The following NEK1 variants were observed in gnomAD, a reference collection of about 807,000 sequenced individuals.
The protein encoded by NEK1 is serine/threonine-protein kinase Nek1.
NEK1 carries 137 observed loss-of-function variants against 182.1 expected under a neutral mutation model. That is an observed-to-expected ratio of 0.75 (90% CI 0.65 to 0.87). The LOEUF (loss-of-function observed/expected upper bound fraction) is 0.87. Among genes scored for constraint, NEK1 ranks in the 40% least tolerant of loss-of-function variants. The pLI is 0.00. For synonymous variants in NEK1, 513 were observed against 492.2 expected (o/e 1.04, Z -0.56); for missense variants, 1,391 against 1,494.4 (o/e 0.93, Z 1.14).
At chr4:169,470,527 C>T (rs909733643) in intron 26 of NEK1, among the ~76,000 whole-genome samples, 1 of 152,174 alleles carries the variant, frequency 6.6e-6, no homozygotes, top group African/African-American at 2.4e-5. Flanking sequence ...GGTAATCCAA[C>T]CTTTCTCTTT....
intron 23 of NEK1, among the ~76,000 whole-genome samples, chr4:169,500,388 G>A (rs1446819602): frequency 6.6e-6 from 1 of 152,178 alleles, no homozygotes; most frequent in Non-Finnish European, 1.5e-5. Flanking sequence ...TTCATGCTCG[G>A]TGCGCTGCAC....
chr4:169,460,484 G>A (rs375953297), intron 27 of NEK1, among the ~76,000 whole-genome samples: 17 of 152,122 alleles, frequency 1.1e-4, no homozygotes, highest in African/African-American at 4.1e-4. Flanking sequence ...CTCATAACAC[G>A]TGGGAATCAT....
chr4:169,530,816 TGTG>T (rs1554058604), intron 19 of NEK1, among the ~76,000 whole-genome samples: 1 of 151,138 alleles, frequency 6.6e-6, no homozygotes, highest in Non-Finnish European at 1.5e-5. Flanking sequence ...AATTTATACA[TGTG>T]TTAAAATTCC....
intron 23 of NEK1, 70 bp downstream of exon 23, chr4:169,506,967 G>T (rs1753375425): frequency 1.0e-5 from 10 of 955,518 alleles, no homozygotes; most frequent in Non-Finnish European, 1.5e-5. Flanking sequence ...TTATAATACT[G>T]ATGTACTACC....
chr4:169,509,847 T>A (rs1753897625), intron 19 of NEK1, among the ~76,000 whole-genome samples: 1 of 152,156 alleles, frequency 6.6e-6, no homozygotes, highest in African/African-American at 2.4e-5. Flanking sequence ...GTCTTCCAAA[T>A]TTCCTTCTCT....
In NEK1 at chr4:169,555,979, A is replaced by G; in HGVS notation, c.1383T>C (p.Asn461=). The change falls in exon 17 of 36, where the codon AAT becomes AAC. Residue 461 remains asparagine, a synonymous_variant. Coordinates refer to ENST00000507142, the MANE Select transcript of NEK1 (RefSeq NM_001199397.3). Reference sequence around the variant, plus strand: ...ATATTTCTCTTTTCCATTTAGCTTCATTATCTTCTGCTCTTTGTTGCTGCA... The same window carrying G: ...ATATTTCTCTTTTCCATTTAGCTTCGTTATCTTCTGCTCTTTGTTGCTGCA... ...DQMQQQRAED[N]EAKWKREIYG... 1 of 1,613,710 alleles carries G rather than the reference A, an allele frequency of 6.2e-7. No individual in the cohort carries two copies. Among genetic ancestry groups the G allele is most frequent in the Non-Finnish European group, 8.5e-7 (1 of 1,179,782 alleles).
In NEK1 at chr4:169,424,548, C is replaced by A; in HGVS notation, c.3222+5G>T. ...TAATATTTTCCACTTGAGGACCATA[C>A]TTGCCTTTGGGTTGTTTGCATCAAA... is the stretch of plus-strand genomic sequence containing the variant. On this transcript the variant is annotated splice_donor_5th_base_variant and intron_variant, in intron 31 of 35. Transcript: ENST00000507142. The A allele has an allele frequency of 6.3e-7, 1 of 1,579,086 alleles. No homozygotes were observed. The highest frequency in any genetic ancestry group is 8.6e-7 in the Non-Finnish European group (1 of 1,158,344).
intron 27 of NEK1, among the ~76,000 whole-genome samples, chr4:169,455,302 T>G (rs908075435): frequency 5.3e-5 from 8 of 151,486 alleles, no homozygotes; most frequent in Non-Finnish European, 8.8e-5. Flanking sequence ...GTTGTGCACA[T>G]GTACCCTAGA....
chr4:169,451,736 C>T (rs913000490), intron 27 of NEK1, among the ~76,000 whole-genome samples: 1 of 152,040 alleles, frequency 6.6e-6, no homozygotes, highest in Non-Finnish European at 1.5e-5. Flanking sequence ...ACTAGAGAAG[C>T]AAGAGCAAAC....
chr4:169,570,105 G>A (rs1460656027), intron 12 of NEK1, among the ~76,000 whole-genome samples: 12 of 150,588 alleles, frequency 8.0e-5, no homozygotes, highest in African/African-American at 2.0e-4. Context: ...CTGCCTGGCC[G>A]CCCATCGTCT....
intron 26 of NEK1, among the ~76,000 whole-genome samples, chr4:169,470,036 G>T (rs1745662634): frequency 6.7e-6 from 1 of 150,296 alleles, no homozygotes; most frequent in African/African-American, 2.5e-5. Context: ...AATATGAAAT[G>T]GGTCTCCTTA....
At chr4:169,408,979 T>C (rs1461361572) in intron 31 of NEK1, among the ~76,000 whole-genome samples, 1 of 152,194 alleles carries the variant, frequency 6.6e-6, no homozygotes, top group Non-Finnish European at 1.5e-5. Context: ...TTCCTTTGGG[T>C]AGATACCCAG....
At chr4:169,594,318 T>C (rs1221812546) in intron 5 of NEK1, among the ~76,000 whole-genome samples, 1 of 152,162 alleles carries the variant, frequency 6.6e-6, no homozygotes, top group African/African-American at 2.4e-5. Flanking sequence ...GTATGCTCAG[T>C]TTTGATGGGT....
intron 10 of NEK1, 56 bp downstream of exon 10, chr4:169,585,293 T>C (rs1767347444): frequency 7.6e-7 from 1 of 1,322,688 alleles, no homozygotes; most frequent in East Asian, 2.3e-5. Flanking sequence ...CTGGAGGCCA[T>C]GTCTTAGCTA....
chr4:169,455,557 A>G (rs531383809), intron 27 of NEK1, among the ~76,000 whole-genome samples: 1 of 152,326 alleles, frequency 6.6e-6, no homozygotes, highest in East Asian at 1.9e-4. Flanking sequence ...TCAATTCAGC[A>G]AGAGGATATA....
chr4:169,511,197 C>T (rs889042836), intron 19 of NEK1, among the ~76,000 whole-genome samples: 1 of 152,004 alleles, frequency 6.6e-6, no homozygotes, highest in Non-Finnish European at 1.5e-5. Flanking sequence ...TTTTCTTTTG[C>T]AGCATGACAA....
chr4:169,449,098 C>T lies in NEK1; in HGVS notation c.2588-10839G>A, dbSNP rs181189510. Among the ~76,000 whole-genome samples, 14 of 152,286 alleles carry T rather than the reference C, an allele frequency of 9.2e-5. No homozygotes were observed. The East Asian group carries it at 1.4e-3, about 15-fold the overall frequency. On this transcript the variant is annotated intron_variant, in intron 27 of 35. Transcript: ENST00000507142. ...GGATCTGCCAGGCAGCAGCCTGACTCGGGGAGGGGCATCCGCCATTGCTGA... is the reference window on the plus strand; with the variant it reads ...GGATCTGCCAGGCAGCAGCCTGACTTGGGGAGGGGCATCCGCCATTGCTGA...
intron 30 of NEK1, among the ~76,000 whole-genome samples, chr4:169,425,377 G>A (rs118027587): frequency 0.015 from 2,273 of 150,720 alleles, 90 homozygotes; most frequent in East Asian, 0.1. Context: ...AGTTATCATC[G>A]CGCCACTGCA....
At chr4:169,611,857 CAG>C (rs1207849886) in intron 2 of NEK1, among the ~76,000 whole-genome samples, 161 bp downstream of exon 2, 1 of 152,300 alleles carries the variant, frequency 6.6e-6, no homozygotes, top group African/African-American at 2.4e-5. Context: ...TTTGTTAATA[CAG>C]AGTGTCTTAG....
Sources: allele counts gnomAD v4.1 joint callset (sites outside exome capture counted in the v4.1 genomes callset), GRCh38; gene constraint gnomAD v4.1.1; transcripts MANE v1.5; gene names NCBI Gene and HGNC (gene_info 2026-07-23, HGNC 2026-07-21).